Variants in SUGCT observed in about 807,000 individuals in gnomAD.
SUGCT encodes succinyl-CoA:glutarate CoA-transferase.
A neutral mutation model predicts 55.0 loss-of-function variants in SUGCT; 41 were observed. The observed-to-expected ratio is 0.74, with a 90% CI of 0.58 to 0.97. The LOEUF (loss-of-function observed/expected upper bound fraction) is 0.97, where lower values mean the gene tolerates loss of function less well. SUGCT is among the 50% of genes least tolerant of loss of function. The probability of loss-of-function intolerance (pLI) is 0.00; values close to 1 mark genes in which losing one functional copy is unlikely to be tolerated. For synonymous variants in SUGCT, 187 were observed against 200.4 expected, an observed-to-expected ratio of 0.93 and a Z score of 0.56; for missense variants, 568 against 547.8, an observed-to-expected ratio of 1.04 and a Z score of -0.37.
intron 12 of SUGCT, among the ~76,000 whole-genome samples, chr7:40,527,044 C>G (rs1312705495): frequency 1.3e-5 from 2 of 152,084 alleles, no homozygotes; most frequent in Non-Finnish European, 2.9e-5. Context: ...AATGGCATCG[C>G]TTATAAACAT....
chr7:40,976,482 T>A, the SUGCT span, among the ~76,000 whole-genome samples: 1 of 152,232 alleles, frequency 6.6e-6, no homozygotes, highest in African/African-American at 2.4e-5. Context: ...ATGATTTGTA[T>A]CTTATAACAG....
chr7:40,148,596 A>G (rs1413292642), intron 1 of SUGCT, among the ~76,000 whole-genome samples: 1 of 152,204 alleles, frequency 6.6e-6, no homozygotes, highest in South Asian at 2.1e-4. Flanking sequence ...GTGAGCCGAG[A>G]TGACGCCATT....
chr7:40,505,887 T>A (rs1182761412), intron 12 of SUGCT, among the ~76,000 whole-genome samples: 1 of 152,148 alleles, frequency 6.6e-6, no homozygotes, highest in Non-Finnish European at 1.5e-5. Flanking sequence ...ATCTTTTTCT[T>A]ATTTCCATAT....
At chr7:40,677,016 A>G (rs959486495) in intron 12 of SUGCT, among the ~76,000 whole-genome samples, 2 of 151,862 alleles carry the variant, frequency 1.3e-5, no homozygotes, top group Non-Finnish European at 2.9e-5. Flanking sequence ...AGTTTTCTAA[A>G]TGTTCCGAAA....
chr7:40,796,136 T>C (rs995763093), intron 13 of SUGCT, among the ~76,000 whole-genome samples: 5 of 151,840 alleles, frequency 3.3e-5, no homozygotes, highest in African/African-American at 1.2e-4. Flanking sequence ...CAAATACCTT[T>C]CAGGAAAAAA....
chr7:40,966,607 G>C, the SUGCT span: 2 of 152,134 alleles, frequency 1.3e-5, no homozygotes, highest in Non-Finnish European at 2.9e-5. Flanking sequence ...AGATATATCT[G>C]GTTCAGGACA....
At chr7:40,242,906 C>CAT (rs1159693206) in intron 7 of SUGCT, among the ~76,000 whole-genome samples, 1,048 of 32,186 alleles carry the variant, frequency 0.033, 62 homozygotes, top group African/African-American at 0.084. Context: ...TGCTATGTGG[C>CAT]ATATATATAT....
intron 9 of SUGCT, among the ~76,000 whole-genome samples, chr7:40,415,339 G>T (rs1226667526): frequency 3.4e-5 from 5 of 148,062 alleles, no homozygotes; most frequent in African/African-American, 9.9e-5. Flanking sequence ...TTTTAGTATT[G>T]TCTTCTCTGA....
chr7:40,704,526 C>T (rs1455251941), intron 12 of SUGCT, among the ~76,000 whole-genome samples: 3 of 152,074 alleles, frequency 2.0e-5, no homozygotes, highest in Non-Finnish European at 2.9e-5. Context: ...CATAGCATAA[C>T]ATGGATTATC....
chr7:40,195,678 G>T (rs1441616660), intron 6 of SUGCT, among the ~76,000 whole-genome samples: 1 of 143,948 alleles, frequency 6.9e-6, no homozygotes, highest in African/African-American at 2.6e-5. Context: ...ATTAACTCTT[G>T]CATAGGTGAA....
chr7:40,819,210 A>G (rs1319438313), intron 13 of SUGCT, among the ~76,000 whole-genome samples: 3 of 152,128 alleles, frequency 2.0e-5, no homozygotes, highest in Non-Finnish European at 4.4e-5. Context: ...TAGTGCCGCA[A>G]TAAACATATA....
At chr7:40,879,593 T>C in the SUGCT span, among the ~76,000 whole-genome samples, 1 of 152,238 alleles carries the variant, frequency 6.6e-6, no homozygotes, top group African/African-American at 2.4e-5. Flanking sequence ...TCAAGAAATG[T>C]CTTCAATGGT....
At chr7:40,869,537 C>G in the SUGCT span, among the ~76,000 whole-genome samples, 2 of 152,292 alleles carry the variant, frequency 1.3e-5, no homozygotes, top group African/African-American at 4.8e-5. Context: ...TCTTGTGATA[C>G]CCTGAGTAGA....
At chr7:40,188,460 C>G in intron 3 of SUGCT, 35 bp from the exon 4 acceptor site, 1 of 1,070,398 alleles carries the variant, frequency 9.3e-7, no homozygotes, top group Non-Finnish European at 1.4e-6. Context: ...AAAAAACAAA[C>G]CCCAAAGATT....
At chr7:40,323,376 C>G (rs1418416632) in intron 9 of SUGCT, among the ~76,000 whole-genome samples, 1 of 152,080 alleles carries the variant, frequency 6.6e-6, no homozygotes, top group Non-Finnish European at 1.5e-5. Flanking sequence ...TAGGAGCACT[C>G]AGTTTCCAGA....
chr7:40,542,460 A>G (rs925416018), intron 12 of SUGCT, among the ~76,000 whole-genome samples: 1 of 152,170 alleles, frequency 6.6e-6, no homozygotes, highest in African/African-American at 2.4e-5. Flanking sequence ...CTTGGCGATG[A>G]TGTGGTTAAA....
At chr7:41,020,840 C>T in the SUGCT span, among the ~76,000 whole-genome samples, 8 of 152,154 alleles carry the variant, frequency 5.3e-5, no homozygotes, top group Non-Finnish European at 1.0e-4. Context: ...AAAGGAATCC[C>T]CAGTTGCCAG....
chr7:40,755,370 T>TA (rs1392824528), intron 13 of SUGCT, among the ~76,000 whole-genome samples: 1 of 152,236 alleles, frequency 6.6e-6, no homozygotes, highest in Non-Finnish European at 1.5e-5. Context: ...TTGTATTTGT[T>TA]AATTACAGAA....
intron 9 of SUGCT, among the ~76,000 whole-genome samples, chr7:40,321,161 T>C (rs867961620): frequency 4.8e-4 from 71 of 148,472 alleles, no homozygotes; most frequent in Admixed American, 6.9e-4. Context: ...CTGCAACCTC[T>C]GCCTCCTCGG....
Sources: allele counts gnomAD v4.1 joint callset (sites outside exome capture counted in the v4.1 genomes callset), GRCh38; gene constraint gnomAD v4.1.1; transcripts MANE v1.5; gene names NCBI Gene and HGNC (gene_info 2026-07-23, HGNC 2026-07-21).